TEX9: variants seen among roughly 807,000 people sequenced by gnomAD.
TEX9 encodes the protein testis-expressed protein 9.
In TEX9, 74 loss-of-function variants were observed where a neutral mutation model predicts 59.6. The observed-to-expected ratio is 1.24, with a 90% CI of 1.03 to 1.51. The LOEUF (loss-of-function observed/expected upper bound fraction) is 1.51. Ranked by LOEUF, TEX9 falls within the 40% of genes most tolerant of loss-of-function variation. The probability of loss-of-function intolerance (pLI) is 0.00; values close to 1 mark genes in which losing one functional copy is unlikely to be tolerated. For missense variants in TEX9, 522 were observed against 447.8 expected (o/e 1.17, Z -1.49); for synonymous variants, 186 against 152.2 (o/e 1.22, Z -1.64).
At chr15:56,407,073 GTTATAGT>G (rs1434394823) in intron 9 of TEX9, among the ~76,000 whole-genome samples, 1 of 151,978 alleles carries the variant, frequency 6.6e-6, no homozygotes, top group African/African-American at 2.4e-5. Flanking sequence ...TTCTAGAAGT[GTTATAGT>G]GTTTGTGTGT....
chr15:56,262,471 A>G (rs541843506), intron 1 of TEX9, among the ~76,000 whole-genome samples: 9 of 152,298 alleles, frequency 5.9e-5, no homozygotes, highest in Non-Finnish European at 7.4e-5. Flanking sequence ...AACATATCCT[A>G]TGTGATTTCA....
At chr15:56,338,139 A>G (rs184825253) in intron 1 of TEX9, among the ~76,000 whole-genome samples, 1 of 152,294 alleles carries the variant, frequency 6.6e-6, no homozygotes, top group Non-Finnish European at 1.5e-5. Flanking sequence ...GACTCTTATC[A>G]GTGTGTCCCT....
chr15:56,385,380 T>G (rs1229249491), intron 4 of TEX9, among the ~76,000 whole-genome samples: 1 of 152,094 alleles, frequency 6.6e-6, no homozygotes, highest in African/African-American at 2.4e-5. Context: ...ACTAAACATG[T>G]GGACTTCATG....
chr15:56,249,440 G>GGA lies in TEX9; in HGVS notation c.-107+5174_-107+5175dup, dbSNP rs552695906. The stretch of plus-strand genomic sequence containing the variant: ...GGGTTAAAAAGGTAAGCACATCTGG[G>GGA]GAGAGAGAGAGAGGGAGGGAGGGAG... On this transcript the variant is annotated intron_variant, in intron 1 of 5. Coordinates refer to the TEX9 transcript ENST00000560827. Among the ~76,000 whole-genome samples, 11 of 150,248 alleles carry GGA rather than the reference G, an allele frequency of 7.3e-5. No individual in the cohort carries two copies. The South Asian group carries it at 2.1e-3, about 29-fold the overall frequency.
At chr15:56,268,103 A>G (rs2044432701) in intron 1 of TEX9, among the ~76,000 whole-genome samples, 1 of 152,042 alleles carries the variant, frequency 6.6e-6, no homozygotes, top group African/African-American at 2.4e-5. Context: ...ATGGGAGTTC[A>G]CTCATGATTT....
At chr15:56,343,825 A>G (rs1596105069) in intron 1 of TEX9, among the ~76,000 whole-genome samples, 1 of 152,218 alleles carries the variant, frequency 6.6e-6, no homozygotes, top group East Asian at 1.9e-4. Context: ...AAGGGATCAA[A>G]GGATTTAGAT....
At chr15:56,250,074 G>C (rs538109086) in intron 1 of TEX9, among the ~76,000 whole-genome samples, 1 of 152,226 alleles carries the variant, frequency 6.6e-6, no homozygotes, top group East Asian at 1.9e-4. Context: ...ACTGAGATTG[G>C]ATTTCCTTCT....
At position 56,373,473 on chromosome 15, in the gene TEX9, C is replaced by A. The variant is rs758058852; in HGVS notation, c.152C>A (p.Ala51Asp). The change falls in exon 3 of 13, where the codon GCT (alanine) becomes GAT (aspartate). Residue 51 changes from alanine to aspartate, a missense_variant. By Grantham distance (126) the Ala-to-Asp change is moderately radical. Coordinates refer to ENST00000352903, the Ensembl canonical transcript of TEX9. ...AATGCAGAATTGCAGGCAAAAACAG[C>A]TGACGTGGTTCAACAAGCTAAGGAA... 7.6e-6 allele frequency: 12 copies of A among 1,583,908 alleles called. No individual in the cohort carries two copies. The South Asian group carries it at 1.4e-4, about 19-fold the overall frequency.
At chr15:56,408,848 T>A (rs2049206095) in intron 9 of TEX9, 1 of 152,266 alleles carries the variant, frequency 6.6e-6, no homozygotes, top group Non-Finnish European at 1.5e-5. Flanking sequence ...TTATTTAAAC[T>A]ATTATAATAA....
chr15:56,305,014 G>A (rs1419136866), intron 1 of TEX9, among the ~76,000 whole-genome samples: 2 of 152,098 alleles, frequency 1.3e-5, no homozygotes, highest in Admixed American at 6.5e-5. Context: ...AAAAGAAATC[G>A]AGAATGTAAC....
At chr15:56,460,007 A>ATATATATATAT in the TEX9 span, among the ~76,000 whole-genome samples, 3 of 27,608 alleles carry the variant, frequency 1.1e-4, no homozygotes, top group African/African-American at 2.7e-4. Flanking sequence ...AAAAAAAAAA[A>ATATATATATAT]AAATACATAT....
At chr15:56,365,512 G>C in intron 1 of TEX9, 35 bp downstream of exon 1, 1 of 1,614,190 alleles carries the variant, frequency 6.2e-7, no homozygotes, top group East Asian at 2.2e-5. Flanking sequence ...GGAGCGTCTG[G>C]GTTCCGGCGA....
chr15:56,436,478 G>A (rs553981608), intron 12 of TEX9, among the ~76,000 whole-genome samples: 2 of 152,258 alleles, frequency 1.3e-5, no homozygotes, highest in East Asian at 1.9e-4. Context: ...GAAATTTATA[G>A]CACTAAATGC....
At chr15:56,326,850 C>A (rs2682017) in intron 1 of TEX9, among the ~76,000 whole-genome samples, 68,392 of 151,932 alleles carry the variant, frequency 0.45, 16,413 homozygotes, top group Non-Finnish European at 0.55. Context: ...ATGGAGGTAG[C>A]CATTAGAAGT....
chr15:56,323,493 C>T (rs967897034), intron 1 of TEX9: 1 of 197,816 alleles, frequency 5.1e-6, no homozygotes, highest in Non-Finnish European at 1.0e-5. Context: ...TGTGGAATAA[C>T]ACTGCACAAA....
chr15:56,459,990 C>CA, the TEX9 span, among the ~76,000 whole-genome samples: 1,967 of 11,132 alleles, frequency 0.18, 461 homozygotes, highest in East Asian at 0.69. Flanking sequence ...AATTCTGTCT[C>CA]AAAAAAAAAA....
intron 10 of TEX9, among the ~76,000 whole-genome samples, chr15:56,426,589 GTATATATATATA>G (rs71110391): frequency 0.022 from 529 of 24,318 alleles, 25 homozygotes; most frequent in South Asian, 0.045. Flanking sequence ...TTGAAAAGGT[GTATATATATATA>G]TATATATATA....
At chr15:56,396,744 G>T (rs2142368059) in intron 9 of TEX9, 1 of 152,134 alleles carries the variant, frequency 6.6e-6, no homozygotes, top group South Asian at 2.1e-4. Flanking sequence ...AGTCTCAGGA[G>T]ATCTGATGGT....
chr15:56,423,772 TTTTC>T (rs777982765), intron 10 of TEX9, among the ~76,000 whole-genome samples: 18 of 152,246 alleles, frequency 1.2e-4, no homozygotes, highest in Admixed American at 2.6e-4. Context: ...TGATTATATT[TTTTC>T]TTTATTATTT....
Sources: allele counts gnomAD v4.1 joint callset (sites outside exome capture counted in the v4.1 genomes callset), GRCh38; gene constraint gnomAD v4.1.1; transcripts MANE v1.5; gene names NCBI Gene and HGNC (gene_info 2026-07-23, HGNC 2026-07-21).